Variants in WDTC1 observed in about 807,000 individuals in gnomAD.
WDTC1 encodes the protein WD and tetratricopeptide repeats protein 1.
WDTC1 carries 12 observed loss-of-function variants against 76.0 expected under a neutral mutation model. The observed-to-expected ratio is 0.16, with a 90% CI of 0.10 to 0.26. The LOEUF is 0.26. Ranked by LOEUF, WDTC1 falls within the 10% of genes least tolerant of loss-of-function variation. WDTC1 has a pLI of 1.00. For synonymous variants in WDTC1, 326 were observed against 350.8 expected (o/e 0.93, Z 0.79); for missense variants, 511 against 908.8 (o/e 0.56, Z 5.63).
At chr1:27,265,195 A>C (rs913695185) in intron 3 of WDTC1, among the ~76,000 whole-genome samples, 3 of 152,104 alleles carry the variant, frequency 2.0e-5, no homozygotes, top group Non-Finnish European at 2.9e-5. Context: ...GGCTATTCAA[A>C]TATTCCTTCC....
intron 9 of WDTC1, among the ~76,000 whole-genome samples, chr1:27,294,989 TCTG>T (rs1162508550): frequency 6.6e-6 from 1 of 152,214 alleles, no homozygotes; most frequent in Admixed American, 6.5e-5. Context: ...AGTTTCCTCG[TCTG>T]CTATTTTCCT....
chr1:27,241,360 C>A (rs2011627012), intron 1 of WDTC1, among the ~76,000 whole-genome samples: 1 of 152,004 alleles, frequency 6.6e-6, no homozygotes, highest in Non-Finnish European at 1.5e-5. Flanking sequence ...TTATTCATGA[C>A]CCCCCAAATT....
At chr1:27,252,199 T>C (rs1467912744) in intron 1 of WDTC1, among the ~76,000 whole-genome samples, 1 of 151,536 alleles carries the variant, frequency 6.6e-6, no homozygotes, top group East Asian at 2.0e-4. Flanking sequence ...TTTTAAAAAT[T>C]AGCTGGGCAT....
At chr1:27,235,076 T>G in intron 1 of WDTC1, 125 bp downstream of exon 1, 12 of 293,458 alleles carry the variant, frequency 4.1e-5, no homozygotes, top group Non-Finnish European at 5.7e-5. Context: ...GGCCTGAGCC[T>G]ACCCGCCTCG....
intron 1 of WDTC1, among the ~76,000 whole-genome samples, chr1:27,248,263 C>T (rs2011917637): frequency 6.6e-6 from 1 of 152,186 alleles, no homozygotes; most frequent in African/African-American, 2.4e-5. Context: ...ATTTACACTC[C>T]CACTAACAGT....
chr1:27,249,401 A>G (rs771710008), intron 1 of WDTC1, among the ~76,000 whole-genome samples: 1 of 152,128 alleles, frequency 6.6e-6, no homozygotes, highest in African/African-American at 2.4e-5. Flanking sequence ...ATTATGCAAT[A>G]TGTAGGCTTC....
chr1:27,294,189 C>T (rs771674400), intron 8 of WDTC1, 73 bp downstream of exon 8: 83 of 1,487,968 alleles, frequency 5.6e-5, no homozygotes, highest in Non-Finnish European at 7.5e-5. Flanking sequence ...TCCAGGGAGA[C>T]AGCATGGCAT....
In WDTC1 at chr1:27,301,484, G is replaced by A. The variant is rs755628083; in HGVS notation, c.1468+23G>A. ...GTGGTGAGTGGGCACTGAGGAGGGGGTGCTGTTACTCTTTCTCTTTGAGAT... is the reference window on the plus strand; with the variant it reads ...GTGGTGAGTGGGCACTGAGGAGGGGATGCTGTTACTCTTTCTCTTTGAGAT... On this transcript the variant is annotated intron_variant, in intron 13 of 15. Coordinates refer to ENST00000319394, the MANE Select transcript of WDTC1 (RefSeq NM_001276252.2). The surrounding 1 kb of genome is among the most constrained non-coding windows in gnomAD (Gnocchi z 5.8). 4 of 1,605,276 alleles carry A rather than the reference G, an allele frequency of 2.5e-6. No individual in the cohort carries two copies. The highest frequency in any genetic ancestry group is 3.4e-6 in the Non-Finnish European group (4 of 1,177,314).
chr1:27,281,722 T>C (rs1364072108), intron 3 of WDTC1, among the ~76,000 whole-genome samples: 1 of 152,052 alleles, frequency 6.6e-6, no homozygotes, highest in Non-Finnish European at 1.5e-5. Flanking sequence ...CCCGAGTAGC[T>C]TGGACTACAG....
intron 1 of WDTC1, among the ~76,000 whole-genome samples, chr1:27,240,917 G>A (rs1323802474): frequency 6.7e-6 from 1 of 149,412 alleles, no homozygotes; most frequent in East Asian, 2.0e-4. Context: ...GGAGGTTGCA[G>A]TGAGTTGAGA....
At position 27,296,841 on chromosome 1, in the gene WDTC1, C is replaced by T. The variant is rs1327933998; in HGVS notation, c.950-207C>T. 2.6e-5 allele frequency among the ~76,000 whole-genome samples: 4 copies of T among 151,756 alleles called. No homozygotes were observed. The East Asian group carries it at 5.8e-4, about 22-fold the overall frequency. On this transcript the variant is annotated intron_variant, in intron 10 of 15. Coordinates refer to ENST00000319394, the MANE Select transcript of WDTC1 (RefSeq NM_001276252.2). Reference sequence around the variant, plus strand: ...CCCCAGCCCCAGCTGAGTAATGCCACGGTGAAGTTGTGTCCCTCGCCAGCC... The same window carrying T: ...CCCCAGCCCCAGCTGAGTAATGCCATGGTGAAGTTGTGTCCCTCGCCAGCC...
chr1:27,269,620 G>C lies in WDTC1; in HGVS notation c.132+6385G>C, dbSNP rs200026942. Among the ~76,000 whole-genome samples the C allele has an allele frequency of 3.9e-3, 76 of 19,440 alleles. 2 individuals carry two copies. In the South Asian group the frequency reaches 0.048, roughly 12 times the overall value. 12.8% of individuals were successfully genotyped at this position (19,440 alleles called of 152,430 possible). On this transcript the variant is annotated intron_variant, in intron 3 of 15. Coordinates refer to ENST00000319394, the MANE Select transcript of WDTC1 (RefSeq NM_001276252.2). Reference sequence around the variant, plus strand: ...TTTTGTTTTTTGTTTTTTTTTTTTCGGTTTTTTTTTTTTTGAGATGGAATT... The same window carrying C: ...TTTTGTTTTTTGTTTTTTTTTTTTCCGTTTTTTTTTTTTTGAGATGGAATT...
At chr1:27,253,683 C>G (rs1570944787) in intron 1 of WDTC1, among the ~76,000 whole-genome samples, 1 of 151,910 alleles carries the variant, frequency 6.6e-6, no homozygotes, top group East Asian at 1.9e-4. Flanking sequence ...CAGTGCCTGG[C>G]AAAATAGACA....
rs575732344 is a variant in WDTC1, at chr1:27,285,177, C to T, written c.291+1728C>T. Reference sequence around the variant, plus strand: ...TCAGCCTCCTAAGTAGCTGGGATTACAGGTGTGCACCACCACACCTGGCAG... The same window carrying T: ...TCAGCCTCCTAAGTAGCTGGGATTATAGGTGTGCACCACCACACCTGGCAG... On this transcript the variant is annotated intron_variant, in intron 5 of 15. Coordinates refer to ENST00000319394, the MANE Select transcript of WDTC1 (RefSeq NM_001276252.2). Among the ~76,000 whole-genome samples, 210 of 152,026 alleles carry T rather than the reference C, an allele frequency of 1.4e-3. 1 individual carries two copies. The highest frequency in any genetic ancestry group is 2.5e-3 in the Non-Finnish European group (172 of 67,978).
chr1:27,280,165 A>T (rs2013148150), intron 3 of WDTC1, among the ~76,000 whole-genome samples: 1 of 152,238 alleles, frequency 6.6e-6, no homozygotes, highest in South Asian at 2.1e-4. Flanking sequence ...TGAAGTACTT[A>T]GGACAGGGCC....
intron 3 of WDTC1, among the ~76,000 whole-genome samples, chr1:27,277,853 T>A (rs1374122961): frequency 2.6e-5 from 4 of 152,120 alleles, no homozygotes; most frequent in South Asian, 2.1e-4. Flanking sequence ...TTGAAAAAAA[T>A]TTTTTGAGAC....
intron 8 of WDTC1, 134 bp downstream of exon 8, chr1:27,294,250 C>G: frequency 1.1e-6 from 1 of 939,062 alleles, no homozygotes; most frequent in Non-Finnish European, 1.6e-6. Context: ...GTTTTAATCC[C>G]AACTCTGCCA....
At chr1:27,235,394 CTGTG>C (rs139665541) in intron 1 of WDTC1, among the ~76,000 whole-genome samples, 69,916 of 140,846 alleles carry the variant, frequency 0.5, 17,588 homozygotes, top group East Asian at 0.74. Context: ...CTCTCTCTTT[CTGTG>C]TGTGTGTGTG....
At chr1:27,296,916 A>G (rs1557507280) in intron 10 of WDTC1, 132 bp from the exon 11 acceptor site, 1 of 798,784 alleles carries the variant, frequency 1.3e-6, no homozygotes, top group Non-Finnish European at 2.0e-6. Flanking sequence ...CTTTCTGGGA[A>G]TGGATCTTAC....
Sources: allele counts gnomAD v4.1 joint callset (sites outside exome capture counted in the v4.1 genomes callset), GRCh38; gene constraint gnomAD v4.1.1; non-coding constraint Gnocchi (gnomAD v3.1); transcripts MANE v1.5; gene names NCBI Gene and HGNC (gene_info 2026-07-23, HGNC 2026-07-21).